Variants in MAP4 observed in about 807,000 individuals in gnomAD.
MAP4 encodes the protein microtubule-associated protein 4.
MAP4 carries 76 observed loss-of-function variants against 170.2 expected under a neutral mutation model. The ratio of observed to expected loss-of-function variants is 0.45; its 90% CI spans 0.37 to 0.54. The LOEUF (loss-of-function observed/expected upper bound fraction) is 0.54. Among genes scored for constraint, MAP4 ranks in the 20% least tolerant of loss-of-function variants. The pLI, the probability that MAP4 is intolerant of heterozygous loss-of-function variation, is 0.00. For synonymous variants in MAP4, 909 were observed against 994.5 expected (o/e 0.91, Z 1.62); for missense variants, 2,506 against 2,748.0 (o/e 0.91, Z 1.97).
At chr3:47,936,068 G>A (rs1161400885) in intron 3 of MAP4, among the ~76,000 whole-genome samples, 1 of 151,812 alleles carries the variant, frequency 6.6e-6, no homozygotes, top group Non-Finnish European at 1.5e-5. Context: ...GCCTAAGAAT[G>A]AAGCCAAAGA....
chr3:48,058,257 T>G (rs549814760), intron 1 of MAP4, among the ~76,000 whole-genome samples: 2 of 152,358 alleles, frequency 1.3e-5, no homozygotes, highest in East Asian at 3.9e-4. Flanking sequence ...ACCTCATTAT[T>G]TTGGCTAATT....
At chr3:47,864,743 T>C (rs1261775264) in intron 17 of MAP4, among the ~76,000 whole-genome samples, 1 of 152,202 alleles carries the variant, frequency 6.6e-6, no homozygotes, top group Non-Finnish European at 1.5e-5. Context: ...GGCAGGTGCC[T>C]GTAATCCCAG....
intron 10 of MAP4, among the ~76,000 whole-genome samples, chr3:47,882,139 C>T (rs1268882531): frequency 1.3e-5 from 2 of 151,950 alleles, no homozygotes; most frequent in Non-Finnish European, 2.9e-5. Flanking sequence ...ATTAGCCGGG[C>T]GTTGTGGTGG....
intron 12 of MAP4, among the ~76,000 whole-genome samples, chr3:47,873,440 T>C (rs1480462197): frequency 6.6e-6 from 1 of 152,136 alleles, no homozygotes; most frequent in Non-Finnish European, 1.5e-5. Flanking sequence ...CCAAGAGAAG[T>C]GGCTATAAAG....
At chr3:47,917,585 C>CAAAAA (rs397877787) in intron 6 of MAP4, among the ~76,000 whole-genome samples, 1 of 92,722 alleles carries the variant, frequency 1.1e-5, no homozygotes. Context: ...GAGTCCGTCT[C>CAAAAA]AAAAAAAAAA....
At position 47,909,551 on chromosome 3, in the gene MAP4, C is replaced by A. The variant is rs1404063340; in HGVS notation, c.4870G>T (p.Asp1624Tyr). The change falls in exon 9 of 21, where the codon GAC (aspartate) becomes TAC (tyrosine). Residue 1624 changes from aspartate to tyrosine, a missense_variant. Physicochemically the swap from Asp to Tyr is radical, Grantham distance 160 (BLOSUM62 -3). Transcript: ENST00000683076. ...KEGSVAVQIP[D>Y]LLEDKAQKLS... ...TTTTGTGCTTTGTCTTCCAGTAAGT[C>A]AGGAATCTGAACTGCAACAGACCCT... 1 of 1,612,554 alleles carries A rather than the reference C, an allele frequency of 6.2e-7. No homozygotes were observed. Among genetic ancestry groups the A allele is most frequent in the South Asian group, 1.1e-5 (1 of 91,076 alleles).
At chr3:47,891,757 C>T in intron 10 of MAP4, 1 of 1,536,566 alleles carries the variant, frequency 6.5e-7, no homozygotes. Context: ...TGGGTGAATG[C>T]TCAATAATGG....
intron 3 of MAP4, among the ~76,000 whole-genome samples, chr3:47,949,465 C>CAAAAAAA (rs60076214): frequency 1.4e-5 from 1 of 70,886 alleles, no homozygotes; most frequent in Non-Finnish European, 2.6e-5. Context: ...GACTGCGTCC[C>CAAAAAAA]AAAAAAAAAA....
rs1311956140 is a variant in MAP4 at position 47,869,291 on chromosome 3, T to C, written c.6331A>G (p.Thr2111Ala). The change falls in exon 16 of 21, where the codon ACC (threonine) becomes GCC (alanine). Residue 2111 changes from threonine to alanine, a missense_variant. Thr to Ala is a moderately conservative substitution (Grantham distance 58). Coordinates refer to ENST00000683076, the MANE Select transcript of MAP4 (RefSeq NM_001385682.1). Reference protein sequence around the residue: ...VEKKTEAAATTRKPESNAVTK... With the variant: ...VEKKTEAAATARKPESNAVTK... ...ACTGCATTAGATTCAGGCTTTCGGG[T>C]TGTAGCAGCTGCCTCTGTTTTTTTC... 4.2e-5 allele frequency: 67 copies of C among 1,613,990 alleles called. No homozygotes were observed. Among genetic ancestry groups the C allele is most frequent in the Non-Finnish European group, 5.5e-5 (65 of 1,179,994 alleles).
chr3:47,888,104 G>A (rs900041094), intron 10 of MAP4, among the ~76,000 whole-genome samples: 6 of 152,094 alleles, frequency 3.9e-5, no homozygotes, highest in Non-Finnish European at 7.4e-5. Flanking sequence ...TCTGTGTGTC[G>A]AAACTCTGTA....
intron 3 of MAP4, among the ~76,000 whole-genome samples, chr3:47,976,212 T>C (rs1464950819): frequency 1.3e-5 from 2 of 152,216 alleles, no homozygotes; most frequent in Non-Finnish European, 2.9e-5. Flanking sequence ...ATAATGCCAC[T>C]GGGTAGTTCA....
rs371905256 is a variant in MAP4 at position 47,986,159 on chromosome 3, G to A, written c.224-8226C>T. 2.2e-3 allele frequency among the ~76,000 whole-genome samples: 336 copies of A among 152,214 alleles called. 1 individual carries two copies. The highest frequency in any genetic ancestry group is 7.2e-3 in the African/African-American group (297 of 41,532). ...GCTTGCAGAATATTATTTAAGAGGT[G>A]GGGTCTTTGGGGTCTTGCTATGTTA... On this transcript the variant is annotated intron_variant, in intron 2 of 20. Transcript: ENST00000683076.
At chr3:47,975,444 T>C in intron 3 of MAP4, 1 of 1,569,050 alleles carries the variant, frequency 6.4e-7, no homozygotes, top group South Asian at 1.2e-5. Context: ...GCAGCCCCAG[T>C]GTTGAGAGAC....
intron 10 of MAP4, among the ~76,000 whole-genome samples, chr3:47,897,981 T>G (rs977985749): frequency 6.6e-6 from 1 of 151,968 alleles, no homozygotes; most frequent in Non-Finnish European, 1.5e-5. Flanking sequence ...GGTCCTGCTT[T>G]AATTATGCAA....
chr3:48,024,981 C>T (rs2100112290), intron 1 of MAP4, among the ~76,000 whole-genome samples: 1 of 146,282 alleles, frequency 6.8e-6, no homozygotes, highest in South Asian at 2.1e-4. Flanking sequence ...GAAGCAGGGT[C>T]TCACTCTGGT....
At chr3:47,998,592 A>G (rs1234757932) in intron 2 of MAP4, 46 bp downstream of exon 2, 2 of 1,473,294 alleles carry the variant, frequency 1.4e-6, no homozygotes, top group Non-Finnish European at 1.9e-6. Flanking sequence ...CATAATCCCT[A>G]ACCTGCTTTC....
At chr3:47,940,688 T>C (rs370431418) in intron 3 of MAP4, among the ~76,000 whole-genome samples, 2 of 152,208 alleles carry the variant, frequency 1.3e-5, no homozygotes, top group Admixed American at 1.3e-4. Context: ...CTGTCACATA[T>C]GATCCATTCC....
intron 10 of MAP4, among the ~76,000 whole-genome samples, chr3:47,890,024 A>T (rs1480828835): frequency 6.6e-6 from 1 of 152,142 alleles, no homozygotes; most frequent in African/African-American, 2.4e-5. Context: ...AAAAAAGTAC[A>T]ATTTCATAAA....
rs186751232 is a variant in MAP4, at chr3:48,074,558, T to C, written c.-20+14215A>G. Among the ~76,000 whole-genome samples the C allele has an allele frequency of 2.8e-5, 4 of 142,846 alleles. No homozygotes were observed. In the South Asian group the frequency reaches 8.9e-4, roughly 32 times the overall value. 93.7% of individuals were successfully genotyped at this position (142,846 alleles called of 152,430 possible). ...AGACAGAGGCTCACTCTGTTGCCCA[T>C]GCTGGATTGCAATGGCAGGATCACA... is the stretch of plus-strand genomic sequence containing the variant. On this transcript the variant is annotated intron_variant, in intron 1 of 18. Transcript: ENST00000360240.
Sources: allele counts gnomAD v4.1 joint callset (sites outside exome capture counted in the v4.1 genomes callset), GRCh38; gene constraint gnomAD v4.1.1; transcripts MANE v1.5; gene names NCBI Gene and HGNC (gene_info 2026-07-23, HGNC 2026-07-21).